Variants in GRHL2 observed in about 807,000 individuals in gnomAD.
The protein encoded by GRHL2 is grainyhead-like protein 2 homolog.
A neutral mutation model predicts 83.8 loss-of-function variants in GRHL2; 21 were observed. The observed-to-expected ratio is 0.25, with a 90% CI of 0.18 to 0.36. GRHL2 has a LOEUF of 0.36. Among genes scored for constraint, GRHL2 ranks in the 10% least tolerant of loss-of-function variants. GRHL2 has a pLI of 1.00. For missense variants in GRHL2, 623 were observed against 781.8 expected (o/e 0.80, Z 2.42); for synonymous variants, 280 against 278.9 (o/e 1.00, Z -0.04).
chr8:101,597,243 G>A (rs1471133345), intron 7 of GRHL2, among the ~76,000 whole-genome samples: 1 of 152,102 alleles, frequency 6.6e-6, no homozygotes, highest in Admixed American at 6.5e-5. Context: ...TTTTATCACA[G>A]AGATGTCTGT....
intron 13 of GRHL2, among the ~76,000 whole-genome samples, chr8:101,644,893 G>C (rs938302941): frequency 1.3e-5 from 2 of 151,622 alleles, no homozygotes; most frequent in African/African-American, 4.9e-5. Context: ...TGTCACCCAG[G>C]AGGTAGTGCA....
At chr8:101,555,594 G>T (rs890522144) in intron 3 of GRHL2, among the ~76,000 whole-genome samples, 1 of 152,062 alleles carries the variant, frequency 6.6e-6, no homozygotes, top group African/African-American at 2.4e-5. Context: ...CCTCCAACTA[G>T]CTGGATTCAG....
chr8:101,550,792 CTG>C (rs1811364300), intron 2 of GRHL2, among the ~76,000 whole-genome samples: 1 of 152,222 alleles, frequency 6.6e-6, no homozygotes, highest in East Asian at 1.9e-4. Flanking sequence ...CTGCTCCTCT[CTG>C]TTTTACCTTC....
intron 7 of GRHL2, among the ~76,000 whole-genome samples, chr8:101,588,376 T>G (rs566894551): frequency 7.2e-4 from 109 of 152,264 alleles, no homozygotes; most frequent in Non-Finnish European, 1.4e-3. Context: ...AATTTCAGAA[T>G]TGATGAAAAA....
intron 14 of GRHL2, among the ~76,000 whole-genome samples, chr8:101,659,169 A>C (rs1327684138): frequency 3.9e-5 from 6 of 152,208 alleles, no homozygotes; most frequent in African/African-American, 1.4e-4. Flanking sequence ...TAACAACTGT[A>C]ATTTCAAAGT....
Position 101,515,176 on chromosome 8 carries a change from G to GCACACACACACACACA in GRHL2, c.20+22406_20+22421dup, listed in dbSNP as rs4002325. Among the ~76,000 whole-genome samples the GCACACACACACACACA allele has an allele frequency of 5.5e-3, 799 of 144,532 alleles. 7 individuals are homozygous for GCACACACACACACACA. Among genetic ancestry groups the GCACACACACACACACA allele is most frequent in the Middle Eastern group, 0.014 (4 of 290 alleles). The allele number at this position is 144,532 out of a possible 152,430, so 94.8% of individuals were successfully genotyped here. On this transcript the variant is annotated intron_variant, in intron 1 of 15. Transcript: ENST00000646743. ...TCTCTTTCTCTCTCTCTGTCTCTCT[G>GCACACACACACACACA]CACACACACACACACACACACACAC...
At chr8:101,527,775 A>G (rs78423496) in intron 1 of GRHL2, among the ~76,000 whole-genome samples, 7,422 of 152,268 alleles carry the variant, frequency 0.049, 482 homozygotes, top group East Asian at 0.27. Context: ...TTTCACGACT[A>G]AACAGGTATT....
intron 8 of GRHL2, among the ~76,000 whole-genome samples, chr8:101,617,529 G>T (rs1343057265): frequency 6.6e-6 from 1 of 152,054 alleles, no homozygotes; most frequent in East Asian, 1.9e-4. Context: ...TTTGAGATAG[G>T]ATCTCTCTCT....
intron 3 of GRHL2, among the ~76,000 whole-genome samples, chr8:101,553,620 CTTCTTTTTTTTTTTT>C (rs1046553557): frequency 4.8e-5 from 7 of 144,396 alleles, no homozygotes; most frequent in African/African-American, 7.8e-5. Context: ...AACTCATCCA[CTTCTTTTTTTTTTTT>C]TTTTTTTTTT....
At chr8:101,613,986 T>C (rs1812805113) in intron 8 of GRHL2, among the ~76,000 whole-genome samples, 1 of 151,114 alleles carries the variant, frequency 6.6e-6, no homozygotes, top group Non-Finnish European at 1.5e-5. Context: ...TTACAATTTT[T>C]TGAATCCCAA....
At chr8:101,603,266 A>T (rs1039155038) in intron 8 of GRHL2, among the ~76,000 whole-genome samples, 6 of 152,236 alleles carry the variant, frequency 3.9e-5, no homozygotes, top group Non-Finnish European at 8.8e-5. Context: ...AGAAACCTGT[A>T]TGTCTTCCCA....
chr8:101,674,423 C>G (rs186030418), downstream of GRHL2, among the ~76,000 whole-genome samples: 225 of 152,198 alleles, frequency 1.5e-3, 1 homozygote, highest in African/African-American at 4.8e-3. Context: ...GAGAATACTA[C>G]AAACACCTCT....
At position 101,667,094 on chromosome 8, in the gene GRHL2, C is replaced by T. The variant is rs3735714; in HGVS notation, c.*391C>T. On this transcript the variant is annotated 3_prime_UTR_variant, in exon 16 of 16. Coordinates refer to ENST00000646743, the MANE Select transcript of GRHL2 (RefSeq NM_024915.4). ...AGCCTAAAAAATTCCCATCCCTTCT[C>T]TCTCACCCCTCCATATCTATCTCCC... 112,252 of 295,770 alleles carry T rather than the reference C, an allele frequency of 0.38. 22,517 individuals carry two copies. The highest frequency in any genetic ancestry group is 0.51 in the South Asian group (12,479 of 24,602). The allele number at this position is 295,770 out of a possible 1,614,324, so 18.3% of individuals were successfully genotyped here. A position where few individuals can be genotyped will look rare whatever the true frequency, so the allele number is the denominator to read the frequency against.
At chr8:101,640,348 T>G (rs1813376686) in intron 12 of GRHL2, among the ~76,000 whole-genome samples, 1 of 152,074 alleles carries the variant, frequency 6.6e-6, no homozygotes, top group Non-Finnish European at 1.5e-5. Flanking sequence ...TTGTTAAGAT[T>G]CCTATTCAGA....
chr8:101,493,418 C>A (rs903278745), intron 1 of GRHL2, among the ~76,000 whole-genome samples: 1 of 151,792 alleles, frequency 6.6e-6, no homozygotes, highest in Non-Finnish European at 1.5e-5. Context: ...CTCGACATCC[C>A]GCCTTCCTCC....
intron 8 of GRHL2, among the ~76,000 whole-genome samples, chr8:101,607,587 A>G (rs1223978629): frequency 6.6e-6 from 1 of 152,220 alleles, no homozygotes; most frequent in African/African-American, 2.4e-5. Flanking sequence ...GATCTTGTGG[A>G]AAATTACAGA....
At chr8:101,496,832 G>A (rs1407166379) in intron 1 of GRHL2, among the ~76,000 whole-genome samples, 1 of 152,126 alleles carries the variant, frequency 6.6e-6, no homozygotes, top group Admixed American at 6.5e-5. Flanking sequence ...GGAAGAGCAA[G>A]TGCCAGGGCC....
chr8:101,592,808 A>T (rs908572172), intron 7 of GRHL2, among the ~76,000 whole-genome samples: 2 of 152,202 alleles, frequency 1.3e-5, no homozygotes, highest in Non-Finnish European at 2.9e-5. Context: ...TCACTCTGAG[A>T]TTCCAAGGAC....
chr8:101,575,818 G>A (rs1811922372), intron 6 of GRHL2, among the ~76,000 whole-genome samples: 1 of 152,190 alleles, frequency 6.6e-6, no homozygotes, highest in Admixed American at 6.5e-5. Flanking sequence ...CGTGGCAGAG[G>A]GTAGAATGAA....
Sources: allele counts gnomAD v4.1 joint callset (sites outside exome capture counted in the v4.1 genomes callset), GRCh38; gene constraint gnomAD v4.1.1; transcripts MANE v1.5; gene names NCBI Gene and HGNC (gene_info 2026-07-23, HGNC 2026-07-21).